MYO1H: variants seen among roughly 807,000 people sequenced by gnomAD.
MYO1H encodes the protein unconventional myosin-Ih.
In MYO1H, 118 loss-of-function variants were observed where a neutral mutation model predicts 149.3. The observed-to-expected ratio is 0.79, with a 90% CI of 0.68 to 0.92. MYO1H has a LOEUF of 0.92. MYO1H is among the 40% of genes least tolerant of loss of function. MYO1H has a pLI of 0.00. For synonymous variants in MYO1H, 447 were observed against 465.2 expected (o/e 0.96, Z 0.50); for missense variants, 1,212 against 1,280.7 (o/e 0.95, Z 0.82).
At chr12:109,378,124 G>A (rs760951461) in intron 1 of MYO1H, among the ~76,000 whole-genome samples, 1 of 152,004 alleles carries the variant, frequency 6.6e-6, no homozygotes, top group East Asian at 1.9e-4. Context: ...AAAGTGTACA[G>A]TTCACTTGTT....
the MYO1H span, among the ~76,000 whole-genome samples, chr12:109,342,466 A>C: frequency 7.1e-6 from 1 of 141,018 alleles, no homozygotes; most frequent in Non-Finnish European, 1.6e-5. Flanking sequence ...TAATGTATAT[A>C]TTCATTTTCT....
At chr12:109,423,105 A>AT (rs1033541003) in intron 16 of MYO1H, among the ~76,000 whole-genome samples, 1 of 151,832 alleles carries the variant, frequency 6.6e-6, no homozygotes, top group African/African-American at 2.4e-5. Flanking sequence ...AGAAAAAAAA[A>AT]TTTTTTTGAG....
At chr12:109,441,324 G>A (rs988793579) in intron 25 of MYO1H, among the ~76,000 whole-genome samples, 4 of 152,218 alleles carry the variant, frequency 2.6e-5, no homozygotes, top group African/African-American at 9.6e-5. Flanking sequence ...TTGGCCTGCA[G>A]GCTGTGGTTT....
At chr12:109,328,475 T>C in the MYO1H span, among the ~76,000 whole-genome samples, 1 of 152,082 alleles carries the variant, frequency 6.6e-6, no homozygotes, top group East Asian at 1.9e-4. Flanking sequence ...GGATTACTGG[T>C]TTGAGCTGTT....
chr12:109,429,670 C>A (rs531513935), intron 19 of MYO1H, among the ~76,000 whole-genome samples: 1 of 152,264 alleles, frequency 6.6e-6, no homozygotes, highest in Middle Eastern at 3.4e-3. Flanking sequence ...TGAGGGGTGA[C>A]TGCATAAGGC....
chr12:109,358,068 GT>G (rs1868649062), intron 1 of MYO1H, among the ~76,000 whole-genome samples: 1 of 151,552 alleles, frequency 6.6e-6, no homozygotes, highest in African/African-American at 2.4e-5. Flanking sequence ...AGTTTCTACA[GT>G]TGGCATCATT....
At chr12:109,328,226 A>G in the MYO1H span, among the ~76,000 whole-genome samples, 341 of 151,666 alleles carry the variant, frequency 2.2e-3, no homozygotes, top group African/African-American at 7.7e-3. Flanking sequence ...AATTCTCATT[A>G]CTGTAAAATT....
At chr12:109,423,863 G>T (rs1871264416) in intron 16 of MYO1H, among the ~76,000 whole-genome samples, 1 of 150,798 alleles carries the variant, frequency 6.6e-6, no homozygotes, top group South Asian at 2.1e-4. Context: ...TTCTGGTAAA[G>T]AATTAAATAT....
At position 109,393,031 on chromosome 12, in the gene MYO1H, G is replaced by C. The variant is rs965380218; in HGVS notation, c.175-300G>C. Among the ~76,000 whole-genome samples, 84 of 151,802 alleles carry C rather than the reference G, an allele frequency of 5.5e-4. 2 individuals are homozygous for C. Among genetic ancestry groups the C allele is most frequent in the Admixed American group, 5.4e-3 (82 of 15,234 alleles). On this transcript the variant is annotated intron_variant, in intron 2 of 31. Coordinates refer to ENST00000310903, the Ensembl canonical transcript of MYO1H. ...TTACCATGTTAGCCAGGATGGTCTCGATCTCCTGACCTGTGATCCACCCGC... is the reference window on the plus strand; with the variant it reads ...TTACCATGTTAGCCAGGATGGTCTCCATCTCCTGACCTGTGATCCACCCGC...
At chr12:109,437,707 G>T (rs919703987) in intron 22 of MYO1H, among the ~76,000 whole-genome samples, 2 of 152,204 alleles carry the variant, frequency 1.3e-5, no homozygotes, top group African/African-American at 4.8e-5. Context: ...CGTTTGGGTT[G>T]ATTCAAGTTG....
intron 1 of MYO1H, among the ~76,000 whole-genome samples, chr12:109,377,900 C>G (rs1391859536): frequency 2.0e-5 from 3 of 152,166 alleles, no homozygotes; most frequent in Non-Finnish European, 4.4e-5. Context: ...ACCTCCTTCC[C>G]CACTTGTTTC....
intron 1 of MYO1H, among the ~76,000 whole-genome samples, chr12:109,362,950 C>T (rs1427533738): frequency 6.6e-6 from 1 of 152,160 alleles, no homozygotes; most frequent in East Asian, 1.9e-4. Context: ...TTTCTTTTGG[C>T]CTTAGATGCA....
the MYO1H span, among the ~76,000 whole-genome samples, chr12:109,333,146 C>G: frequency 6.6e-6 from 1 of 151,978 alleles, no homozygotes; most frequent in Admixed American, 6.6e-5. Flanking sequence ...ATGGTGAAAC[C>G]CCGTTTCTTT....
Position 109,406,017 on chromosome 12 carries a change from G to C in MYO1H, c.945G>C (p.Glu315Asp), listed in dbSNP as rs764319719. 43 of 1,612,376 alleles carry C rather than the reference G, an allele frequency of 2.7e-5. No homozygotes were observed. Among genetic ancestry groups the C allele is most frequent in the African/African-American group, 4.0e-5 (3 of 74,882 alleles). Residue 315 changes from glutamate to aspartate, a missense_variant, in exon 8 of 32, where the codon GAG becomes GAC. Transcript: ENST00000310903. ...GTGCCACTATCCCAGACACCCATGA[G>C]ATCAAGTGGATAGCCAAGGTGATGC...
At chr12:109,406,963 C>T in intron 9 of MYO1H, 103 bp downstream of exon 9, 3 of 1,016,614 alleles carry the variant, frequency 3.0e-6, no homozygotes. Flanking sequence ...ACCTTTGATC[C>T]TAGCTCACCA....
At chr12:109,363,367 A>G (rs553727604) in intron 1 of MYO1H, among the ~76,000 whole-genome samples, 2 of 152,294 alleles carry the variant, frequency 1.3e-5, no homozygotes, top group Admixed American at 1.3e-4. Flanking sequence ...AGGCTCCTGA[A>G]GAGAGGAATC....
At chr12:109,346,625 G>A (rs1016924496), upstream of MYO1H, among the ~76,000 whole-genome samples, 1 of 151,822 alleles carries the variant, frequency 6.6e-6, no homozygotes, top group African/African-American at 2.4e-5. Context: ...GCTGGGCGTT[G>A]TGGCGGGTGC....
exon 32 of MYO1H, chr12:109,447,227 C>T: frequency 6.5e-7 from 1 of 1,549,984 alleles, no homozygotes; most frequent in Non-Finnish European, 8.8e-7. Flanking sequence ...TTTGCTCCAA[C>T]TGAGGAAACT....
chr12:109,447,216 T>G lies in MYO1H; in HGVS notation c.*34T>G, dbSNP rs577257711. On this transcript the variant is annotated 3_prime_UTR_variant, in exon 32 of 32. Transcript: ENST00000310903. Reference sequence around the variant, plus strand: ...GACGTCTGACCTCTACCATCGCCATTTTTGCTCCAACTGAGGAAACTACAG... The same window carrying G: ...GACGTCTGACCTCTACCATCGCCATGTTTGCTCCAACTGAGGAAACTACAG... The G allele has an allele frequency of 5.1e-6, 8 of 1,579,804 alleles. No homozygotes were observed. In the East Asian group the frequency reaches 1.6e-4, roughly 32 times the overall value.
Sources: gnomAD v4.1 joint callset for allele counts (sites outside exome capture counted in the v4.1 genomes callset) on GRCh38, gnomAD v4.1.1 for gene constraint, MANE v1.5 for transcripts, NCBI Gene and HGNC (gene_info 2026-07-23, HGNC 2026-07-21) for gene names.